BIRC6: variants seen among roughly 807,000 people sequenced by gnomAD.
BIRC6 encodes the protein dual E2 ubiquitin-conjugating enzyme/E3 ubiquitin-protein ligase BIRC6.
Under a neutral mutation model 503.3 loss-of-function variants are expected in BIRC6, and 98 were observed. That is an observed-to-expected ratio of 0.19 (90% confidence interval 0.17 to 0.23). The LOEUF is 0.23. BIRC6 is among the 10% of genes least tolerant of loss of function. BIRC6 has a pLI of 1.00. For missense variants in BIRC6, 5,360 were observed against 5,806.0 expected, an observed-to-expected ratio of 0.92 and a Z score of 2.50; for synonymous variants, 2,240 against 2,078.7, an observed-to-expected ratio of 1.08 and a Z score of -2.11.
At chr2:32,486,834 A>C (rs997727114) in intron 40 of BIRC6, among the ~76,000 whole-genome samples, 4 of 152,346 alleles carry the variant, frequency 2.6e-5, no homozygotes, top group African/African-American at 9.6e-5. Flanking sequence ...CAGTATTGGT[A>C]CACAAATATT....
At chr2:32,417,875 G>A (rs1296474282) in intron 10 of BIRC6, among the ~76,000 whole-genome samples, 1 of 152,176 alleles carries the variant, frequency 6.6e-6, no homozygotes, top group Non-Finnish European at 1.5e-5. Context: ...TGCCTCCCAG[G>A]TTCAAGTGAT....
At chr2:32,369,916 C>A (rs1186953706) in intron 1 of BIRC6, among the ~76,000 whole-genome samples, 2 of 95,018 alleles carry the variant, frequency 2.1e-5, no homozygotes, top group East Asian at 3.0e-4. Flanking sequence ...CATAGTGAGA[C>A]CCTGTCTCTT....
intron 3 of BIRC6, among the ~76,000 whole-genome samples, chr2:32,385,424 G>A (rs951496060): frequency 2.6e-5 from 4 of 152,132 alleles, no homozygotes; most frequent in Admixed American, 6.5e-5. Context: ...TATTATGGTT[G>A]GTGTGTCAGA....
At chr2:32,381,559 G>C (rs1160305611) in intron 3 of BIRC6, among the ~76,000 whole-genome samples, 1 of 85,312 alleles carries the variant, frequency 1.2e-5, no homozygotes. Flanking sequence ...TTTTTTTTTT[G>C]GTTCGAGACA....
At chr2:32,380,017 G>A in intron 2 of BIRC6, 136 bp from the exon 3 acceptor site, 1 of 508,290 alleles carries the variant, frequency 2.0e-6, no homozygotes, top group South Asian at 4.7e-5. Flanking sequence ...AAGTAGATTT[G>A]TTAAAAGGTA....
Position 32,529,787 on chromosome 2 carries a change from A to G in BIRC6, c.12057A>G (p.Ser4019=), listed in dbSNP as rs760584038. 6 of 1,612,392 alleles carry G rather than the reference A, an allele frequency of 3.7e-6. No individual in the cohort carries two copies. Among genetic ancestry groups the G allele is most frequent in the Non-Finnish European group, 5.1e-6 (6 of 1,179,104 alleles). Reference sequence around the variant, plus strand: ...GAGTTATAACAGACCCCAGTCTATCAAAAACAGATTCTTATAAAAGACTAC... The same window carrying G: ...GAGTTATAACAGACCCCAGTCTATCGAAAACAGATTCTTATAAAAGACTAC... ...GSRVITDPSL[S]KTDSYKRLHP... The change falls in exon 60 of 74, where the codon TCA becomes TCG. Residue 4019 remains serine (S), a synonymous_variant. Coordinates refer to ENST00000421745, the MANE Select transcript of BIRC6 (RefSeq NM_016252.4).
At chr2:32,517,950 G>C (rs984400227) in intron 55 of BIRC6, among the ~76,000 whole-genome samples, 5 of 150,754 alleles carry the variant, frequency 3.3e-5, no homozygotes, top group African/African-American at 1.2e-4. Context: ...TAAAGTTAAC[G>C]GGAGTTCGTT....
At chr2:32,593,806 T>C in intron 66 of BIRC6, 109 bp from the exon 67 acceptor site, 1 of 957,440 alleles carries the variant, frequency 1.0e-6, no homozygotes, top group Non-Finnish European at 1.5e-6. Context: ...ATAGATCATG[T>C]GTGTGACAAA....
At chr2:32,432,216 G>A (rs532108021) in intron 12 of BIRC6, among the ~76,000 whole-genome samples, 19 of 152,282 alleles carry the variant, frequency 1.2e-4, no homozygotes, top group African/African-American at 4.1e-4. Flanking sequence ...AGGAGTTTAA[G>A]ACCAGCCTGG....
At chr2:32,408,804 CAGT>C (rs1447410895) in intron 9 of BIRC6, among the ~76,000 whole-genome samples, 1 of 152,154 alleles carries the variant, frequency 6.6e-6, no homozygotes, top group Non-Finnish European at 1.5e-5. Context: ...ATGTATTAAA[CAGT>C]AGCTGTGGTA....
At position 32,464,719 on chromosome 2, in the gene BIRC6, G is replaced by C. The variant is rs375359876; in HGVS notation, c.5152G>C (p.Val1718Leu). 20 of 1,613,808 alleles carry C rather than the reference G, an allele frequency of 1.2e-5. No individual in the cohort carries two copies. The highest frequency in any genetic ancestry group is 1.6e-5 in the Non-Finnish European group (19 of 1,179,886). Residue 1718 changes from valine (V) to leucine (L), a missense_variant, in exon 25 of 74, where the codon GTT (valine) becomes CTT (leucine). Physicochemically the swap from Val to Leu is conservative, Grantham distance 32. Transcript: ENST00000421745. ...CACTCCACCCAATGAAGCAGTTTCC[G>C]TTGTGATTAATGCCGAACTTGCACA... is the stretch of plus-strand genomic sequence containing the variant. ...PLTPPNEAVS[V>L]VINAELAQLF...
intron 1 of BIRC6, among the ~76,000 whole-genome samples, chr2:32,368,189 T>A (rs1028832352): frequency 1.3e-5 from 2 of 152,096 alleles, no homozygotes; most frequent in African/African-American, 4.8e-5. Context: ...CTGTTTTTTT[T>A]TTCTTCTTCT....
chr2:32,370,885 A>G (rs183360538), intron 1 of BIRC6, among the ~76,000 whole-genome samples: 5 of 152,208 alleles, frequency 3.3e-5, no homozygotes, highest in Admixed American at 3.3e-4. Flanking sequence ...TTTACAGTGT[A>G]TTGTCAGTTT....
At chr2:32,419,100 A>T (rs1383020994) in intron 10 of BIRC6, among the ~76,000 whole-genome samples, 1 of 152,246 alleles carries the variant, frequency 6.6e-6, no homozygotes, top group Admixed American at 6.5e-5. Flanking sequence ...GTTGCTTTCA[A>T]AATGAGCTCC....
At chr2:32,412,964 G>A (rs1214050309) in intron 9 of BIRC6, among the ~76,000 whole-genome samples, 3 of 150,698 alleles carry the variant, frequency 2.0e-5, no homozygotes, top group African/African-American at 4.9e-5. Context: ...TTGAAAAAAG[G>A]TTTTGCTCAC....
At chr2:32,514,402 C>A (rs193178336) in intron 54 of BIRC6, among the ~76,000 whole-genome samples, 8 of 152,256 alleles carry the variant, frequency 5.3e-5, no homozygotes, top group Admixed American at 2.0e-4. Context: ...TTTTATTTAC[C>A]CACATTTCTT....
chr2:32,595,006 T>G (rs2061594851), intron 67 of BIRC6, 28 bp from the exon 68 acceptor site: 1 of 1,315,774 alleles, frequency 7.6e-7, no homozygotes, highest in Non-Finnish European at 1.0e-6. Flanking sequence ...AATGTATATG[T>G]TATTTATCTT....
chr2:32,509,583 CTGTT>C, intron 51 of BIRC6, 151 bp from the exon 52 acceptor site: 3 of 818,482 alleles, frequency 3.7e-6, no homozygotes, highest in Non-Finnish European at 5.6e-6. Context: ...AACTTACTGT[CTGTT>C]TACTTAATTT....
chr2:32,507,434 A>T (rs1360055346), intron 50 of BIRC6, among the ~76,000 whole-genome samples: 1 of 152,330 alleles, frequency 6.6e-6, no homozygotes, highest in East Asian at 1.9e-4. Flanking sequence ...ACTCTATCTC[A>T]GGAAAACAAA....
Sources: gnomAD v4.1 joint callset for allele counts (sites outside exome capture counted in the v4.1 genomes callset) on GRCh38, gnomAD v4.1.1 for gene constraint, MANE v1.5 for transcripts, NCBI Gene and HGNC (gene_info 2026-07-23, HGNC 2026-07-21) for gene names.